ESR1: variants seen among roughly 807,000 people sequenced by gnomAD.
ESR1 encodes the protein estrogen receptor.
Under a neutral mutation model 52.7 loss-of-function variants are expected in ESR1, and 12 were observed. The observed-to-expected ratio is 0.23, with a 90% CI of 0.15 to 0.37. The LOEUF (loss-of-function observed/expected upper bound fraction) is 0.37. Ranked by LOEUF, ESR1 falls within the 10% of genes least tolerant of loss-of-function variation. The pLI is 1.00. For missense variants in ESR1, 584 were observed against 779.7 expected (o/e 0.75, Z 2.99); for synonymous variants, 305 against 316.8 (o/e 0.96, Z 0.39).
intron 2 of ESR1, among the ~76,000 whole-genome samples, chr6:151,770,958 A>G (rs1357041827): frequency 1.3e-5 from 2 of 152,236 alleles, no homozygotes; most frequent in Non-Finnish European, 2.9e-5. Context: ...AACAAAAAGA[A>G]AAAGGAAACA....
chr6:151,982,240 C>T (rs2040059181), intron 4 of ESR1, among the ~76,000 whole-genome samples: 1 of 152,346 alleles, frequency 6.6e-6, no homozygotes, highest in African/African-American at 2.4e-5. Context: ...GCCCTGGCCA[C>T]CTGGCTCGAA....
At chr6:151,870,289 A>G (rs1229753424) in intron 2 of ESR1, among the ~76,000 whole-genome samples, 1 of 151,544 alleles carries the variant, frequency 6.6e-6, no homozygotes, top group African/African-American at 2.4e-5. Flanking sequence ...TTTTTGGGTT[A>G]CTCTTTCATA....
At chr6:151,854,378 G>A (rs990983369) in intron 2 of ESR1, among the ~76,000 whole-genome samples, 2 of 152,052 alleles carry the variant, frequency 1.3e-5, no homozygotes, top group Middle Eastern at 3.2e-3. Context: ...CCTGAGAAAA[G>A]AACATAGTGG....
intron 2 of ESR1, among the ~76,000 whole-genome samples, chr6:151,879,221 C>T (rs999688334): frequency 2.6e-5 from 4 of 152,172 alleles, no homozygotes; most frequent in South Asian, 2.1e-4. Flanking sequence ...AAAAGCCTGT[C>T]TCACAGCGGG....
chr6:152,103,980 C>CTTTTTTTTTTTTTTT (rs369261779), downstream of ESR1, among the ~76,000 whole-genome samples: 2 of 93,884 alleles, frequency 2.1e-5, no homozygotes, highest in Non-Finnish European at 1.9e-5. Flanking sequence ...TTCATTCTAC[C>CTTTTTTTTTTTTTTT]TTTTTTTTTT....
At chr6:151,739,283 C>A (rs762932361) in intron 2 of ESR1, among the ~76,000 whole-genome samples, 3 of 152,122 alleles carry the variant, frequency 2.0e-5, no homozygotes, top group Admixed American at 6.5e-5. Flanking sequence ...TTAGCAAGGT[C>A]CCTGGCAAGT....
chr6:151,795,019 G>A (rs145965536), intron 2 of ESR1, among the ~76,000 whole-genome samples: 4 of 152,080 alleles, frequency 2.6e-5, no homozygotes, highest in Admixed American at 6.5e-5. Flanking sequence ...TGTCAACTAT[G>A]GTCAAAATAA....
At chr6:151,916,063 C>T (rs1331790204) in intron 3 of ESR1, among the ~76,000 whole-genome samples, 3 of 152,112 alleles carry the variant, frequency 2.0e-5, no homozygotes, top group East Asian at 1.9e-4. Flanking sequence ...GATGTGGACA[C>T]GCTGCCTGCA....
intron 5 of ESR1, among the ~76,000 whole-genome samples, chr6:152,030,623 C>T (rs2044605947): frequency 6.6e-6 from 1 of 152,148 alleles, no homozygotes; most frequent in Admixed American, 6.5e-5. Context: ...TACAGGAGCA[C>T]CCAGATTCAT....
chr6:151,837,886 G>A (rs1338545635), intron 1 of ESR1, among the ~76,000 whole-genome samples: 12 of 152,324 alleles, frequency 7.9e-5, no homozygotes, highest in Non-Finnish European at 1.0e-4. Context: ...TTATAATAAA[G>A]GGATAGGGCT....
chr6:152,005,379 G>T (rs530747083), intron 4 of ESR1, among the ~76,000 whole-genome samples: 1 of 151,766 alleles, frequency 6.6e-6, no homozygotes, highest in African/African-American at 2.4e-5. Flanking sequence ...CTTTTTATTA[G>T]GTTATTTTTA....
At chr6:151,836,747 A>G (rs1457110373) in intron 1 of ESR1, among the ~76,000 whole-genome samples, 1 of 152,198 alleles carries the variant, frequency 6.6e-6, no homozygotes, top group Admixed American at 6.5e-5. Context: ...TTGAGTGTAC[A>G]TAGCTTTGGG....
intron 4 of ESR1, among the ~76,000 whole-genome samples, chr6:151,951,657 C>T (rs2036339190): frequency 6.6e-6 from 1 of 152,122 alleles, no homozygotes. Context: ...AAATTGTTCC[C>T]CAAGAGTGAA....
At chr6:152,022,711 C>G (rs755367502) in intron 5 of ESR1, among the ~76,000 whole-genome samples, 2 of 152,108 alleles carry the variant, frequency 1.3e-5, no homozygotes, top group Non-Finnish European at 2.9e-5. Flanking sequence ...GTGGCTTACG[C>G]ATGTAATCTC....
intron 3 of ESR1, among the ~76,000 whole-genome samples, 173 bp downstream of exon 3, chr6:151,880,944 A>G (rs1467292248): frequency 6.6e-6 from 1 of 152,114 alleles, no homozygotes; most frequent in Non-Finnish European, 1.5e-5. Flanking sequence ...TTTTATTTTA[A>G]AAAGGTGGAA....
chr6:151,766,425 G>A (rs901454282), intron 2 of ESR1, among the ~76,000 whole-genome samples: 2 of 151,960 alleles, frequency 1.3e-5, no homozygotes, highest in African/African-American at 2.4e-5. Context: ...AGGTTGCAGT[G>A]AGCCAAGATT....
intron 4 of ESR1, among the ~76,000 whole-genome samples, chr6:152,001,176 A>T (rs1049489454): frequency 2.0e-5 from 3 of 152,078 alleles, no homozygotes; most frequent in Admixed American, 2.0e-4. Context: ...CTGTTCCTAT[A>T]ATAGAATACC....
intron 2 of ESR1, among the ~76,000 whole-genome samples, chr6:151,768,964 G>A (rs1785283749): frequency 6.6e-6 from 1 of 152,078 alleles, no homozygotes; most frequent in African/African-American, 2.4e-5. Flanking sequence ...ATAACTTCCT[G>A]GGCTATGTAG....
At chr6:151,844,368 G>A (rs1040131694) in intron 2 of ESR1, among the ~76,000 whole-genome samples, 1 of 152,142 alleles carries the variant, frequency 6.6e-6, no homozygotes, top group Non-Finnish European at 1.5e-5. Flanking sequence ...TAATTTGGCA[G>A]TGAAAGAGCG....
Sources: gnomAD v4.1 joint callset for allele counts (sites outside exome capture counted in the v4.1 genomes callset) on GRCh38, gnomAD v4.1.1 for gene constraint, MANE v1.5 for transcripts, NCBI Gene and HGNC (gene_info 2026-07-23, HGNC 2026-07-21) for gene names.